Variants in SGCZ observed in about 807,000 individuals in gnomAD.
The protein encoded by SGCZ is sarcoglycan zeta.
In SGCZ, 40 loss-of-function variants were observed where a neutral mutation model predicts 41.3. That is an observed-to-expected ratio of 0.97 (90% CI 0.75 to 1.26). SGCZ has a LOEUF of 1.26. Among genes scored for constraint, SGCZ ranks in the 50% most tolerant of loss-of-function variants. SGCZ has a pLI of 0.00. For synonymous variants in SGCZ, 206 were observed against 137.5 expected, an observed-to-expected ratio of 1.50 and a Z score of -3.49; for missense variants, 552 against 369.8, an observed-to-expected ratio of 1.49 and a Z score of -4.04.
At chr8:14,136,475 C>CT (rs1175307937) in intron 5 of SGCZ, among the ~76,000 whole-genome samples, 1 of 152,186 alleles carries the variant, frequency 6.6e-6, no homozygotes, top group Non-Finnish European at 1.5e-5. Flanking sequence ...ATGGTCTTAG[C>CT]AAATGGCACA....
At chr8:14,595,645 G>A (rs1482942903) in intron 1 of SGCZ, among the ~76,000 whole-genome samples, 1 of 152,042 alleles carries the variant, frequency 6.6e-6, no homozygotes, top group East Asian at 1.9e-4. Context: ...CTCCTTTTAT[G>A]AGGGCATCAA....
chr8:14,916,118 C>G (rs536145542), intron 1 of SGCZ, among the ~76,000 whole-genome samples: 1 of 152,040 alleles, frequency 6.6e-6, no homozygotes. Context: ...GAATTGAAAT[C>G]CTTTTGCGTA....
At chr8:14,385,584 C>A (rs1447690507) in intron 2 of SGCZ, among the ~76,000 whole-genome samples, 1 of 152,116 alleles carries the variant, frequency 6.6e-6, no homozygotes, top group Admixed American at 6.5e-5. Flanking sequence ...GAAACCAAGG[C>A]TAAGTCATTC....
intron 1 of SGCZ, among the ~76,000 whole-genome samples, chr8:14,704,992 G>T (rs12675184): frequency 0.39 from 58,713 of 151,778 alleles, 13,893 homozygotes; most frequent in Non-Finnish European, 0.54. Context: ...CTTTGAAATT[G>T]ACATTTATTA....
chr8:14,318,560 G>A (rs935731797), intron 3 of SGCZ, among the ~76,000 whole-genome samples: 1 of 151,988 alleles, frequency 6.6e-6, no homozygotes, highest in African/African-American at 2.4e-5. Context: ...AGTACATAGA[G>A]AGTGCTAGAA....
intron 1 of SGCZ, among the ~76,000 whole-genome samples, chr8:14,674,764 G>C (rs376858438): frequency 1.2e-4 from 18 of 151,382 alleles, no homozygotes; most frequent in African/African-American, 4.4e-4. Context: ...TCATTTAAAA[G>C]TGTGTAGCCC....
intron 1 of SGCZ, among the ~76,000 whole-genome samples, chr8:14,944,115 C>T (rs1016144389): frequency 5.1e-4 from 77 of 152,224 alleles, no homozygotes; most frequent in African/African-American, 1.8e-3. Flanking sequence ...CTAACTTAGC[C>T]ATCCTCTCCC....
At chr8:14,794,226 A>T (rs1801049085) in intron 1 of SGCZ, among the ~76,000 whole-genome samples, 1 of 152,164 alleles carries the variant, frequency 6.6e-6, no homozygotes, top group African/African-American at 2.4e-5. Context: ...TGTGGAAGGT[A>T]AAAAATAATA....
chr8:14,746,666 A>T (rs1799347082), intron 1 of SGCZ, among the ~76,000 whole-genome samples: 1 of 152,206 alleles, frequency 6.6e-6, no homozygotes, highest in African/African-American at 2.4e-5. Flanking sequence ...TTGCCAAAGA[A>T]ATCTAACCTC....
chr8:14,458,805 A>G (rs1322135393), intron 2 of SGCZ, among the ~76,000 whole-genome samples: 2 of 152,308 alleles, frequency 1.3e-5, no homozygotes, highest in African/African-American at 4.8e-5. Context: ...CACCAAACAC[A>G]GAGCTCTTGG....
intron 1 of SGCZ, among the ~76,000 whole-genome samples, chr8:14,580,970 G>T (rs937382550): frequency 6.6e-6 from 1 of 152,202 alleles, no homozygotes; most frequent in Admixed American, 6.5e-5. Flanking sequence ...GGCAATTTCA[G>T]TAGTAAATGC....
chr8:14,752,313 T>C (rs971460615), intron 1 of SGCZ, among the ~76,000 whole-genome samples: 1 of 152,208 alleles, frequency 6.6e-6, no homozygotes, highest in African/African-American at 2.4e-5. Flanking sequence ...CTATTTATTA[T>C]GTTTATAAAT....
intron 4 of SGCZ, among the ~76,000 whole-genome samples, chr8:14,189,958 T>C (rs1416289037): frequency 1.3e-5 from 2 of 152,044 alleles, no homozygotes; most frequent in Admixed American, 6.5e-5. Context: ...CATAATGTCC[T>C]TTAGGTTCAT....
At chr8:14,244,978 T>C (rs967885728) in intron 3 of SGCZ, among the ~76,000 whole-genome samples, 1 of 152,132 alleles carries the variant, frequency 6.6e-6, no homozygotes, top group Non-Finnish European at 1.5e-5. Context: ...GCTTATCAGC[T>C]TAAGGAGATT....
At chr8:14,553,033 G>C (rs1803920877) in intron 2 of SGCZ, among the ~76,000 whole-genome samples, 1 of 151,904 alleles carries the variant, frequency 6.6e-6, no homozygotes, top group Admixed American at 6.6e-5. Flanking sequence ...GTTAAAAAAT[G>C]AGGCTGAAAA....
At chr8:14,346,054 G>T (rs946947349) in intron 2 of SGCZ, among the ~76,000 whole-genome samples, 1 of 152,046 alleles carries the variant, frequency 6.6e-6, no homozygotes, top group African/African-American at 2.4e-5. Context: ...ACAACACAAA[G>T]AGTAAATTCT....
At chr8:14,622,422 G>A (rs143433193) in intron 1 of SGCZ, among the ~76,000 whole-genome samples, 38 of 152,244 alleles carry the variant, frequency 2.5e-4, no homozygotes, top group Middle Eastern at 6.8e-3. Flanking sequence ...CTGATTCCAA[G>A]TGTGATATTC....
intron 3 of SGCZ, among the ~76,000 whole-genome samples, chr8:14,306,528 T>A (rs530272956): frequency 6.6e-6 from 1 of 152,178 alleles, no homozygotes; most frequent in African/African-American, 2.4e-5. Context: ...AGCAGGAGTA[T>A]TTTGATTCTA....
intron 3 of SGCZ, among the ~76,000 whole-genome samples, chr8:14,280,959 G>T (rs576396844): frequency 5.3e-5 from 8 of 151,582 alleles, no homozygotes; most frequent in Non-Finnish European, 1.0e-4. Flanking sequence ...TTTCTAATTT[G>T]ATAACCATAT....
Sources: allele counts gnomAD v4.1 joint callset (sites outside exome capture counted in the v4.1 genomes callset), GRCh38; gene constraint gnomAD v4.1.1; transcripts MANE v1.5; gene names NCBI Gene and HGNC (gene_info 2026-07-23, HGNC 2026-07-21).